The following PARVB variants were observed in gnomAD, a reference collection of about 807,000 sequenced individuals.
PARVB encodes the protein parvin beta.
In PARVB, 46 loss-of-function variants were observed where a neutral mutation model predicts 47.0. The observed-to-expected ratio is 0.98, with a 90% CI of 0.77 to 1.25. The LOEUF is 1.25. Ranked by LOEUF, PARVB falls within the 50% of genes most tolerant of loss-of-function variation. The pLI is 0.00. For missense variants in PARVB, 473 were observed against 471.6 expected, an observed-to-expected ratio of 1.00 and a Z score of -0.03; for synonymous variants, 196 against 196.3, an observed-to-expected ratio of 1.00 and a Z score of 0.01.
chr22:44,005,085 A>G (rs2050450477), intron 2 of PARVB, among the ~76,000 whole-genome samples: 1 of 152,152 alleles, frequency 6.6e-6, no homozygotes, highest in African/African-American at 2.4e-5. Context: ...ATCAATGATT[A>G]AAAAAATTTT....
At chr22:44,077,691 A>G (rs1434740998) in intron 1 of PARVB, among the ~76,000 whole-genome samples, 2 of 152,066 alleles carry the variant, frequency 1.3e-5, no homozygotes, top group Admixed American at 6.5e-5. Context: ...CATTGCCCAC[A>G]TGTGACTTTA....
At chr22:44,021,751 G>T (rs2050650405), upstream of PARVB, among the ~76,000 whole-genome samples, 1 of 125,290 alleles carries the variant, frequency 8.0e-6, no homozygotes, top group Admixed American at 8.8e-5. Flanking sequence ...TCCCTGTAAA[G>T]TCTAGACTCA....
chr22:44,091,402 C>T (rs534566186), intron 1 of PARVB, among the ~76,000 whole-genome samples: 3 of 151,942 alleles, frequency 2.0e-5, no homozygotes, highest in African/African-American at 7.2e-5. Context: ...ATTGTGCAGC[C>T]ATCACCACCA....
At chr22:44,166,671 A>C (rs1215581359) in intron 12 of PARVB, among the ~76,000 whole-genome samples, 2 of 152,236 alleles carry the variant, frequency 1.3e-5, no homozygotes, top group African/African-American at 2.4e-5. Flanking sequence ...TGTCCAGCCC[A>C]GGCAGGGGGC....
intron 1 of PARVB, chr22:44,069,130 G>A (rs746452034): frequency 6.2e-7 from 1 of 1,612,454 alleles, no homozygotes; most frequent in Non-Finnish European, 8.5e-7. Context: ...GTGCTGGTCT[G>A]CAGAGCTGCC....
rs190393269 is a variant in PARVB at position 44,043,072 on chromosome 22, C to T, written c.112+18621C>T. Among the ~76,000 whole-genome samples the T allele has an allele frequency of 2.6e-4, 40 of 152,102 alleles. No individual in the cohort carries two copies. The East Asian group carries it at 6.4e-3, about 24-fold the overall frequency. ...CATACGATAGAATACTATTCAGCAACGAAAAGGAATGACATATGGATCCAT... is the reference window on the plus strand; with the variant it reads ...CATACGATAGAATACTATTCAGCAATGAAAAGGAATGACATATGGATCCAT... On this transcript the variant is annotated intron_variant, in intron 1 of 12. Transcript: ENST00000338758.
chr22:44,111,434 T>TC, intron 3 of PARVB: 1 of 5,636 alleles, frequency 1.8e-4, no homozygotes, highest in Admixed American at 2.4e-3. Context: ...TGCAAAACCT[T>TC]TTTTTTTTTT....
chr22:44,154,774 T>C lies in PARVB; in HGVS notation c.844-3208T>C, dbSNP rs149716547. On this transcript the variant is annotated intron_variant, in intron 10 of 12. Coordinates refer to ENST00000338758, the MANE Select transcript of PARVB (RefSeq NM_013327.5). Reference sequence around the variant, plus strand: ...TGCAGTCTGTGTGGTGTGTGTGTGGTTTATGTAGTCTGTGTGGTGTGATGT... The same window carrying C: ...TGCAGTCTGTGTGGTGTGTGTGTGGCTTATGTAGTCTGTGTGGTGTGATGT... 9.3e-3 allele frequency among the ~76,000 whole-genome samples: 1,354 copies of C among 144,974 alleles called. 10 individuals are homozygous for C. Among genetic ancestry groups the C allele is most frequent in the Non-Finnish European group, 0.014 (949 of 66,448 alleles).
chr22:44,156,893 T>C (rs1024827157), intron 10 of PARVB, among the ~76,000 whole-genome samples: 106 of 152,028 alleles, frequency 7.0e-4, no homozygotes, highest in African/African-American at 2.4e-3. Flanking sequence ...GAATAGAGAA[T>C]TGGGGGACAG....
intron 2 of PARVB, among the ~76,000 whole-genome samples, chr22:44,013,049 A>G (rs747690741): frequency 1.3e-5 from 2 of 152,024 alleles, no homozygotes; most frequent in Non-Finnish European, 2.9e-5. Flanking sequence ...GGCACGCACC[A>G]CCACGCCCGG....
chr22:44,081,724 A>T (rs2051905548), intron 1 of PARVB: 5 of 641,688 alleles, frequency 7.8e-6, no homozygotes, highest in Non-Finnish European at 7.7e-6. Context: ...CTCATTGTGC[A>T]GCTTGCTGGC....
intron 2 of PARVB, among the ~76,000 whole-genome samples, chr22:44,010,972 A>G (rs771593123): frequency 2.8e-5 from 4 of 142,586 alleles, no homozygotes; most frequent in South Asian, 2.2e-4. Context: ...GCTCACTGTC[A>G]TCTCTGCCTC....
intron 1 of PARVB, among the ~76,000 whole-genome samples, chr22:44,054,773 G>A (rs539169586): frequency 3.6e-5 from 3 of 83,406 alleles, no homozygotes; most frequent in East Asian, 1.6e-3. Flanking sequence ...CAGGTCACCT[G>A]AGGTCAGGAG....
In PARVB at chr22:44,166,475, C is replaced by T. The variant is rs547073656; in HGVS notation, c.1019-2127C>T. 5.9e-5 allele frequency among the ~76,000 whole-genome samples: 9 copies of T among 152,238 alleles called. No homozygotes were observed. In the South Asian group the frequency reaches 6.2e-4, roughly 11 times the overall value. ...GAGGCCAGGATATCCTCTGACAGGC[C>T]GGCCTCCTAGGAGGGTGTTTGCCCC... On this transcript the variant is annotated intron_variant, in intron 12 of 12. Transcript: ENST00000338758.
chr22:44,136,761 A>G (rs1016679505), intron 7 of PARVB, among the ~76,000 whole-genome samples: 2 of 152,312 alleles, frequency 1.3e-5, no homozygotes, highest in South Asian at 4.1e-4. Context: ...TTTCATTCCT[A>G]TCTTAAAAGG....
rs1389741058 is a variant in PARVB at position 44,035,418 on chromosome 22, TG to T, written c.112+10969del. Among the ~76,000 whole-genome samples the T allele has an allele frequency of 2.0e-5, 3 of 148,630 alleles. No individual in the cohort carries two copies. The Admixed American group carries it at 2.1e-4, about 10-fold the overall frequency. Reference sequence around the variant, plus strand: ...CGGAGTCTCGCTCTGTTGCCCAGGCTGGAGTGCAATGGTGCGATCTCGGCTC... The same window carrying T: ...CGGAGTCTCGCTCTGTTGCCCAGGCTGAGTGCAATGGTGCGATCTCGGCTC... On this transcript the variant is annotated intron_variant, in intron 1 of 12. Coordinates refer to ENST00000338758, the MANE Select transcript of PARVB (RefSeq NM_013327.5).
At chr22:44,054,990 C>CAAAAA (rs3083343) in intron 1 of PARVB, among the ~76,000 whole-genome samples, 5 of 70,112 alleles carry the variant, frequency 7.1e-5, no homozygotes, top group Non-Finnish European at 1.0e-4. Context: ...AACTCCATCT[C>CAAAAA]AAAAAAAAAA....
At chr22:44,051,505 C>A (rs2146938870) in intron 1 of PARVB, among the ~76,000 whole-genome samples, 1 of 152,240 alleles carries the variant, frequency 6.6e-6, no homozygotes, top group South Asian at 2.1e-4. Context: ...GTGCTGGTGG[C>A]CTGCTTAGCA....
chr22:44,148,158 A>G lies in PARVB; in HGVS notation c.774+236A>G. The G allele has an allele frequency of 5.4e-6, 3 of 554,332 alleles. No individual in the cohort carries two copies. In the South Asian group the frequency reaches 6.0e-5, roughly 11 times the overall value. 34.3% of individuals were successfully genotyped at this position (554,332 alleles called of 1,614,324 possible). A position where few individuals can be genotyped will look rare whatever the true frequency, so the allele number is the denominator to read the frequency against. On this transcript the variant is annotated intron_variant, in intron 9 of 12. Transcript: ENST00000338758. ...CTGCCCGCCCGCTCCGCTTCTGTTA[A>G]GTGAATTACCCAGCCCCCATTTCTT...
Sources: allele counts gnomAD v4.1 joint callset (sites outside exome capture counted in the v4.1 genomes callset), GRCh38; gene constraint gnomAD v4.1.1; transcripts MANE v1.5; gene names NCBI Gene and HGNC (gene_info 2026-07-23, HGNC 2026-07-21).